The following JAML variants were observed in gnomAD, a reference collection of about 807,000 sequenced individuals.
JAML encodes the protein junctional adhesion molecule-like.
JAML carries 25 observed loss-of-function variants against 39.3 expected under a neutral mutation model. That is an observed-to-expected ratio of 0.64 (90% CI 0.46 to 0.89). The LOEUF (loss-of-function observed/expected upper bound fraction) is 0.89. Among genes scored for constraint, JAML ranks in the 40% least tolerant of loss-of-function variants. JAML has a pLI of 0.00. For synonymous variants in JAML, 162 were observed against 179.2 expected (o/e 0.90, Z 0.77); for missense variants, 440 against 486.9 (o/e 0.90, Z 0.91).
At chr11:118,206,135 A>G (rs1402452697) in intron 4 of JAML, 144 bp from the exon 5 acceptor site, 10 of 674,624 alleles carry the variant, frequency 1.5e-5, no homozygotes, top group Non-Finnish European at 2.1e-5. Context: ...TTCCCTCTGT[A>G]CGAATTCCCT....
chr11:118,195,754 C>A (rs115648788), intron 9 of JAML, among the ~76,000 whole-genome samples: 4 of 152,130 alleles, frequency 2.6e-5, no homozygotes, highest in Admixed American at 6.5e-5. Context: ...CTACTTTGAC[C>A]TTTTGATAGC....
chr11:118,210,780 A>C, intron 3 of JAML, 68 bp from the exon 4 acceptor site: 1 of 1,326,824 alleles, frequency 7.5e-7, no homozygotes, highest in Non-Finnish European at 1.1e-6. Context: ...GATCCCAAAG[A>C]CTCTGTTATG....
At chr11:118,197,444 C>G (rs1024804517) in intron 8 of JAML, 1 of 152,640 alleles carries the variant, frequency 6.6e-6, no homozygotes, top group Non-Finnish European at 1.5e-5. Context: ...ATTTCTCAGT[C>G]TCTAGAAGCA....
At position 118,203,343 on chromosome 11, in the gene JAML, A is replaced by G. The variant is rs993845471; in HGVS notation, c.772+85T>C. The G allele has an allele frequency of 3.1e-6, 4 of 1,272,808 alleles. No homozygotes were observed. In the African/African-American group the frequency reaches 4.4e-5, roughly 14 times the overall value. The allele number at this position is 1,272,808 out of a possible 1,614,324, so 78.8% of individuals were successfully genotyped here. Reference sequence around the variant, plus strand: ...GATGCCTCCTTCAATTTTGCATCCTAGGAACCTCTCCGGCCTCACTCTAGT... The same window carrying G: ...GATGCCTCCTTCAATTTTGCATCCTGGGAACCTCTCCGGCCTCACTCTAGT... On this transcript the variant is annotated intron_variant, in intron 6 of 9. Transcript: ENST00000356289.
intron 5 of JAML, chr11:118,205,020 T>G (rs1242718479): frequency 6.6e-6 from 1 of 152,150 alleles, no homozygotes; most frequent in Non-Finnish European, 1.5e-5. Flanking sequence ...CTCCTGTGAA[T>G]CACTCAATGG....
chr11:118,210,969 A>T (rs576442732), intron 3 of JAML, among the ~76,000 whole-genome samples: 20 of 152,324 alleles, frequency 1.3e-4, no homozygotes, highest in Admixed American at 2.6e-4. Flanking sequence ...AAAATATAGC[A>T]CCCACTCTGA....
chr11:118,207,967 C>A (rs1317718538), intron 4 of JAML, among the ~76,000 whole-genome samples: 2 of 152,258 alleles, frequency 1.3e-5, no homozygotes, highest in South Asian at 4.1e-4. Flanking sequence ...AAAAGAGAAT[C>A]CTTTGTAATA....
At chr11:118,224,865 C>T (rs1949246942) in intron 1 of JAML, 76 bp downstream of exon 1, 2 of 152,194 alleles carry the variant, frequency 1.3e-5, no homozygotes, top group Admixed American at 6.5e-5. Context: ...CCAATTCAAC[C>T]AGCCTTCAGG....
chr11:118,223,798 A>G (rs2051480), intron 1 of JAML, among the ~76,000 whole-genome samples: 63,390 of 151,932 alleles, frequency 0.42, 15,115 homozygotes, highest in South Asian at 0.72. Flanking sequence ...AAAAATCCAT[A>G]CCCCTTTATA....
intron 1 of JAML, among the ~76,000 whole-genome samples, chr11:118,221,527 C>T (rs772681148): frequency 6.6e-6 from 1 of 152,210 alleles, no homozygotes; most frequent in African/African-American, 2.4e-5. Flanking sequence ...TTCATGCTCC[C>T]GTGAGAATCT....
chr11:118,207,473 G>A (rs1948942106), intron 4 of JAML, among the ~76,000 whole-genome samples: 1 of 152,186 alleles, frequency 6.6e-6, no homozygotes. Flanking sequence ...CACATAAGTA[G>A]AAGGATGGCT....
chr11:118,212,425 T>A lies in JAML; in HGVS notation c.180A>T (p.Ser60=), dbSNP rs1949081276. ...KCIFKIDWTL[S]PGEHAKDEYV... is the part of the protein sequence containing the mutation. ...GCGTTACCTTGGCGTGCTCTCCTGG[T>A]GACAGAGTCCAGTCTATCTTGAATA... The change falls in exon 3 of 10, where the codon TCA becomes TCT. Residue 60 remains serine, a synonymous_variant. Transcript: ENST00000356289. 6.2e-7 allele frequency: 1 copy of A among 1,613,970 alleles called. No individual in the cohort carries two copies. The highest frequency in any genetic ancestry group is 1.7e-5 in the Admixed American group (1 of 60,006).
chr11:118,220,417 G>C (rs375600327), intron 1 of JAML, among the ~76,000 whole-genome samples: 1 of 152,176 alleles, frequency 6.6e-6, no homozygotes, highest in African/African-American at 2.4e-5. Context: ...TTAGCCCCCA[G>C]AGGTTGGCTC....
intron 9 of JAML, among the ~76,000 whole-genome samples, chr11:118,195,975 G>T (rs1029908182): frequency 6.6e-6 from 1 of 151,780 alleles, no homozygotes; most frequent in South Asian, 2.1e-4. Flanking sequence ...GGGATTACAG[G>T]TGCCCGCCAC....
chr11:118,203,102 C>T (rs113947798), intron 6 of JAML: 5 of 506,070 alleles, frequency 9.9e-6, no homozygotes, highest in African/African-American at 5.7e-5. Flanking sequence ...ACATCAACTC[C>T]GATCCTTCCC....
At chr11:118,205,171 T>C (rs1329322826) in intron 5 of JAML, 1 of 152,240 alleles carries the variant, frequency 6.6e-6, no homozygotes, top group Non-Finnish European at 1.5e-5. Flanking sequence ...GTTAGAGAGA[T>C]GACCTGGAAT....
At position 118,213,228 on chromosome 11, in the gene JAML, G is replaced by A. The variant is rs1108820; in HGVS notation, c.44-667C>T. 1,302 of 1,275,790 alleles carry A rather than the reference G, an allele frequency of 1.0e-3. 11 individuals carry two copies. In the African/African-American group the frequency reaches 0.018, roughly 17 times the overall value. The allele number at this position is 1,275,790 out of a possible 1,614,324, so 79.0% of individuals were successfully genotyped here. On this transcript the variant is annotated intron_variant, in intron 2 of 9. Transcript: ENST00000356289. Reference sequence around the variant, plus strand: ...CTATGTTGCTCAAGCAATTTCGAGCGGTCACTACAAGAAAAAACCATTACA... The same window carrying A: ...CTATGTTGCTCAAGCAATTTCGAGCAGTCACTACAAGAAAAAACCATTACA...
chr11:118,195,746 A>G (rs1948639013), intron 9 of JAML, among the ~76,000 whole-genome samples: 1 of 152,208 alleles, frequency 6.6e-6, no homozygotes, highest in Admixed American at 6.5e-5. Flanking sequence ...AAGGAACCCT[A>G]CTTTGACCTT....
chr11:118,199,603 T>C (rs1481614289), intron 7 of JAML, among the ~76,000 whole-genome samples: 1 of 152,186 alleles, frequency 6.6e-6, no homozygotes, highest in South Asian at 2.1e-4. Context: ...GAAACACAAG[T>C]GTCCCTGTTG....
Sources: allele counts gnomAD v4.1 joint callset (sites outside exome capture counted in the v4.1 genomes callset), GRCh38; gene constraint gnomAD v4.1.1; transcripts MANE v1.5; gene names NCBI Gene and HGNC (gene_info 2026-07-23, HGNC 2026-07-21).